Variants in DCC observed in about 807,000 individuals in gnomAD.
DCC encodes the protein netrin receptor DCC.
DCC carries 58 observed loss-of-function variants against 172.5 expected under a neutral mutation model. That is an observed-to-expected ratio of 0.34 (90% CI 0.27 to 0.42). DCC has a LOEUF of 0.42. Among genes scored for constraint, DCC ranks in the 10% least tolerant of loss-of-function variants. DCC has a pLI of 1.00. For synonymous variants in DCC, 709 were observed against 644.5 expected (o/e 1.10, Z -1.52); for missense variants, 1,740 against 1,791.0 (o/e 0.97, Z 0.51).
intron 1 of DCC, among the ~76,000 whole-genome samples, chr18:52,746,737 A>T (rs2036910473): frequency 6.6e-6 from 1 of 151,632 alleles, no homozygotes; most frequent in Admixed American, 6.6e-5. Flanking sequence ...TAAACTTGAA[A>T]TGTCTTTGGC....
At chr18:53,510,978 A>ATAAT (rs534056751) in intron 27 of DCC, among the ~76,000 whole-genome samples, 6 of 152,224 alleles carry the variant, frequency 3.9e-5, no homozygotes, top group Non-Finnish European at 7.3e-5. Flanking sequence ...GAAAGAACAT[A>ATAAT]TAATTTAAGC....
At chr18:53,403,589 A>C (rs1221154305) in intron 19 of DCC, among the ~76,000 whole-genome samples, 1 of 152,206 alleles carries the variant, frequency 6.6e-6, no homozygotes, top group Non-Finnish European at 1.5e-5. Flanking sequence ...CTTTTAATAG[A>C]TGTCTCCATA....
At chr18:53,111,148 G>A (rs1350240415) in intron 7 of DCC, among the ~76,000 whole-genome samples, 1 of 150,070 alleles carries the variant, frequency 6.7e-6, no homozygotes, top group East Asian at 2.0e-4. Context: ...CTATCGCAAG[G>A]ACAAAAAACC....
intron 13 of DCC, among the ~76,000 whole-genome samples, chr18:53,317,352 C>A (rs1476838045): frequency 1.3e-5 from 2 of 152,168 alleles, no homozygotes; most frequent in East Asian, 3.8e-4. Context: ...GGTGAATAAG[C>A]TTTTTGATAT....
intron 1 of DCC, among the ~76,000 whole-genome samples, chr18:52,570,969 TA>T (rs1291040707): frequency 6.6e-6 from 1 of 151,944 alleles, no homozygotes; most frequent in Non-Finnish European, 1.5e-5. Flanking sequence ...TTAGGGGTTA[TA>T]ATTTGATCTA....
intron 1 of DCC, among the ~76,000 whole-genome samples, chr18:52,730,623 G>A (rs1845891045): frequency 6.6e-6 from 1 of 152,164 alleles, no homozygotes; most frequent in Admixed American, 6.6e-5. Flanking sequence ...CTCAATCAGA[G>A]CTGATGCTGG....
intron 9 of DCC, among the ~76,000 whole-genome samples, chr18:53,190,781 C>T (rs2055355086): frequency 6.6e-6 from 1 of 152,032 alleles, no homozygotes; most frequent in Non-Finnish European, 1.5e-5. Flanking sequence ...CCCTTCTCTA[C>T]TAAAAATACA....
At chr18:52,531,463 G>A (rs570787615) in intron 1 of DCC, among the ~76,000 whole-genome samples, 1 of 152,124 alleles carries the variant, frequency 6.6e-6, no homozygotes, top group African/African-American at 2.4e-5. Context: ...ATATTTGAAA[G>A]TAAGGCAATA....
At chr18:52,400,046 T>A (rs747627061) in intron 1 of DCC, among the ~76,000 whole-genome samples, 2 of 151,980 alleles carry the variant, frequency 1.3e-5, no homozygotes, top group Non-Finnish European at 2.9e-5. Flanking sequence ...TTTCTTTTGA[T>A]CATATTTTCA....
At chr18:52,606,652 A>C (rs541321630) in intron 1 of DCC, among the ~76,000 whole-genome samples, 34 of 152,250 alleles carry the variant, frequency 2.2e-4, no homozygotes, top group Non-Finnish European at 3.8e-4. Context: ...CCCCTGATGG[A>C]GGGGTGGAAA....
At chr18:52,774,731 G>A in intron 2 of DCC, among the ~76,000 whole-genome samples, 1 of 150,250 alleles carries the variant, frequency 6.7e-6, no homozygotes, top group East Asian at 2.0e-4. Flanking sequence ...ACTCATGGCT[G>A]CTGGACTAGC....
chr18:52,614,164 T>A (rs2034331877), intron 1 of DCC, among the ~76,000 whole-genome samples: 1 of 152,174 alleles, frequency 6.6e-6, no homozygotes, highest in African/African-American at 2.4e-5. Flanking sequence ...TGAAATTAAT[T>A]CCCTATGTGT....
chr18:53,083,015 A>G (rs1248443669), intron 7 of DCC, among the ~76,000 whole-genome samples: 1 of 113,892 alleles, frequency 8.8e-6, no homozygotes, highest in African/African-American at 3.4e-5. Flanking sequence ...GAGCAATTCT[A>G]AGGTCATTTT....
chr18:52,500,888 G>T (rs1386559462), intron 1 of DCC, among the ~76,000 whole-genome samples: 2 of 151,994 alleles, frequency 1.3e-5, no homozygotes, highest in East Asian at 1.9e-4. Flanking sequence ...ACTCCCTAAG[G>T]TATTGAAATC....
intron 5 of DCC, among the ~76,000 whole-genome samples, chr18:53,032,648 T>C (rs533906103): frequency 6.6e-6 from 1 of 152,208 alleles, no homozygotes; most frequent in African/African-American, 2.4e-5. Flanking sequence ...TGCATTTATA[T>C]GGAAAAAATG....
intron 7 of DCC, among the ~76,000 whole-genome samples, chr18:53,118,673 T>A (rs2043440949): frequency 6.6e-6 from 1 of 151,742 alleles, no homozygotes; most frequent in African/African-American, 2.4e-5. Flanking sequence ...GGACAGGCAA[T>A]GCGCTAAACA....
At chr18:53,175,862 A>G (rs2055084775) in intron 8 of DCC, among the ~76,000 whole-genome samples, 1 of 152,216 alleles carries the variant, frequency 6.6e-6, no homozygotes, top group Admixed American at 6.5e-5. Context: ...AAGAGCCTGC[A>G]TTGCCAAGTG....
chr18:52,802,021 C>T (rs2037999007), intron 2 of DCC, among the ~76,000 whole-genome samples: 2 of 149,800 alleles, frequency 1.3e-5, no homozygotes, highest in African/African-American at 2.5e-5. Flanking sequence ...TTTTTTTAAC[C>T]ATTCCCTTCT....
intron 15 of DCC, among the ~76,000 whole-genome samples, chr18:53,353,502 G>A (rs956312215): frequency 6.6e-6 from 1 of 150,506 alleles, no homozygotes; most frequent in African/African-American, 2.5e-5. Flanking sequence ...AGTCCTTCTT[G>A]TTATTTTAGA....
Sources: gnomAD v4.1 joint callset for allele counts (sites outside exome capture counted in the v4.1 genomes callset) on GRCh38, gnomAD v4.1.1 for gene constraint, MANE v1.5 for transcripts, NCBI Gene and HGNC (gene_info 2026-07-23, HGNC 2026-07-21) for gene names.